CTNNA3: variants seen among roughly 807,000 people sequenced by gnomAD.
CTNNA3 encodes catenin alpha-3.
Under a neutral mutation model 95.7 loss-of-function variants are expected in CTNNA3, and 76 were observed. That is an observed-to-expected ratio of 0.79 (90% CI 0.66 to 0.96). CTNNA3 has a LOEUF of 0.96. Ranked by LOEUF, CTNNA3 falls within the 40% of genes least tolerant of loss-of-function variation. The pLI is 0.00. For missense variants in CTNNA3, 1,191 were observed against 1,089.8 expected, an observed-to-expected ratio of 1.09 and a Z score of -1.31; for synonymous variants, 431 against 374.4, an observed-to-expected ratio of 1.15 and a Z score of -1.74.
chr10:66,300,653 T>C (rs528672510), intron 12 of CTNNA3, among the ~76,000 whole-genome samples: 2 of 151,862 alleles, frequency 1.3e-5, no homozygotes, highest in East Asian at 1.9e-4. Flanking sequence ...TTTAGATACA[T>C]ACAAATTGAA....
intron 5 of CTNNA3, among the ~76,000 whole-genome samples, chr10:67,495,387 C>A (rs1356408564): frequency 1.3e-5 from 2 of 152,146 alleles, no homozygotes; most frequent in African/African-American, 4.8e-5. Flanking sequence ...AACATTCTCT[C>A]CGTTTCCCTA....
chr10:66,412,804 G>T (rs1235284944), intron 11 of CTNNA3, among the ~76,000 whole-genome samples: 2 of 150,686 alleles, frequency 1.3e-5, no homozygotes, highest in Admixed American at 6.6e-5. Context: ...CTTTTTTATT[G>T]TTCCTGGAAT....
chr10:66,368,375 A>G (rs1036950126), intron 12 of CTNNA3, among the ~76,000 whole-genome samples: 1 of 151,440 alleles, frequency 6.6e-6, no homozygotes, highest in African/African-American at 2.4e-5. Context: ...TCTTTCATCT[A>G]TCTCCATGTT....
chr10:67,209,984 A>G (rs1864073422), intron 6 of CTNNA3, among the ~76,000 whole-genome samples: 1 of 152,228 alleles, frequency 6.6e-6, no homozygotes, highest in South Asian at 2.1e-4. Flanking sequence ...CAGCAAATTA[A>G]CCTAAGAAAT....
At chr10:66,220,664 G>A (rs1053309283) in intron 13 of CTNNA3, among the ~76,000 whole-genome samples, 6 of 152,148 alleles carry the variant, frequency 3.9e-5, no homozygotes, top group Non-Finnish European at 5.9e-5. Context: ...TTTTATTGCC[G>A]ATGGAAGTGG....
intron 5 of CTNNA3, among the ~76,000 whole-genome samples, chr10:67,375,412 C>A (rs903021499): frequency 6.6e-6 from 1 of 152,126 alleles, no homozygotes; most frequent in African/African-American, 2.4e-5. Context: ...TCACAACCAG[C>A]CTAGCCAACA....
chr10:67,335,758 T>C (rs1841972612), intron 5 of CTNNA3, among the ~76,000 whole-genome samples: 1 of 152,228 alleles, frequency 6.6e-6, no homozygotes, highest in African/African-American at 2.4e-5. Flanking sequence ...TTAGTTTTAT[T>C]ACATATCATT....
At chr10:66,212,448 A>G (rs2088230523) in intron 13 of CTNNA3, among the ~76,000 whole-genome samples, 2 of 152,186 alleles carry the variant, frequency 1.3e-5, no homozygotes, top group African/African-American at 2.4e-5. Context: ...TCTTATTAGC[A>G]TCCCTAGAAG....
intron 12 of CTNNA3, among the ~76,000 whole-genome samples, chr10:66,325,113 G>C (rs2132299750): frequency 6.6e-6 from 1 of 151,944 alleles, no homozygotes; most frequent in African/African-American, 2.4e-5. Flanking sequence ...AGTCTTTTGG[G>C]ACCAAAAGCA....
intron 13 of CTNNA3, among the ~76,000 whole-genome samples, chr10:66,111,676 T>A (rs564159447): frequency 6.6e-6 from 1 of 152,196 alleles, no homozygotes; most frequent in African/African-American, 2.4e-5. Flanking sequence ...AGACTGAAGT[T>A]GAGTGGTTAG....
At chr10:67,127,404 C>T (rs540847115) in intron 7 of CTNNA3, among the ~76,000 whole-genome samples, 2 of 152,306 alleles carry the variant, frequency 1.3e-5, no homozygotes, top group East Asian at 3.9e-4. Context: ...CTACTAATCA[C>T]CTTCACTTAC....
rs143861046 is a variant in CTNNA3 at position 66,482,581 on chromosome 10, C to A, written c.1531+38036G>T. On this transcript the variant is annotated intron_variant, in intron 11 of 17. Coordinates refer to ENST00000433211, the MANE Select transcript of CTNNA3 (RefSeq NM_013266.4). ...AATAATATTCTTAAGATAATATTTC[C>A]TTTGTACAAAGTATGCACTAACAAT... Among the ~76,000 whole-genome samples, 714 of 152,040 alleles carry A rather than the reference C, an allele frequency of 4.7e-3. 9 individuals carry two copies. The highest frequency in any genetic ancestry group is 0.016 in the African/African-American group (678 of 41,480).
intron 13 of CTNNA3, among the ~76,000 whole-genome samples, chr10:66,254,223 C>T (rs1245015104): frequency 2.6e-5 from 4 of 152,152 alleles, no homozygotes; most frequent in African/African-American, 9.7e-5. Flanking sequence ...AGGCAAAACT[C>T]CTTATCTGAG....
At chr10:66,130,864 C>CA (rs1209953818) in intron 13 of CTNNA3, among the ~76,000 whole-genome samples, 4,316 of 83,240 alleles carry the variant, frequency 0.052, 167 homozygotes, top group African/African-American at 0.14. Context: ...CAAAAACAAA[C>CA]AAAAAAAAAA....
intron 12 of CTNNA3, among the ~76,000 whole-genome samples, chr10:66,331,499 G>A (rs906721173): frequency 3.0e-4 from 46 of 150,888 alleles, no homozygotes; most frequent in Admixed American, 1.1e-3. Context: ...GACTACAGGC[G>A]CGCACCACCA....
chr10:66,449,399 G>T lies in CTNNA3; in HGVS notation c.1532-70047C>A, dbSNP rs528828111. On this transcript the variant is annotated intron_variant, in intron 11 of 17. Coordinates refer to ENST00000433211, the MANE Select transcript of CTNNA3 (RefSeq NM_013266.4). ...CGAACACGTCAAATACCACAGGCAC[G>T]GTGCTGGATCCTTTACAGACATTAT... Among the ~76,000 whole-genome samples the T allele has an allele frequency of 3.3e-5, 5 of 152,124 alleles. No individual in the cohort carries two copies. In the South Asian group the frequency reaches 8.3e-4, roughly 25 times the overall value.
At chr10:66,873,231 T>C (rs919641667) in intron 7 of CTNNA3, among the ~76,000 whole-genome samples, 3 of 152,174 alleles carry the variant, frequency 2.0e-5, no homozygotes, top group African/African-American at 7.2e-5. Context: ...CTGGTTCAAA[T>C]GGTAGTTCTG....
chr10:67,735,954 A>T (rs1841300171), intron 1 of CTNNA3, among the ~76,000 whole-genome samples: 2 of 152,200 alleles, frequency 1.3e-5, no homozygotes, highest in Admixed American at 6.5e-5. Flanking sequence ...TTGAATTATT[A>T]TTCAGCCATA....
chr10:66,546,033 T>G (rs149438700), intron 10 of CTNNA3, among the ~76,000 whole-genome samples: 245 of 151,750 alleles, frequency 1.6e-3, no homozygotes, highest in African/African-American at 5.8e-3. Flanking sequence ...TATTTTTCCA[T>G]GTGAAGGCTT....
Sources: gnomAD v4.1 joint callset for allele counts (sites outside exome capture counted in the v4.1 genomes callset) on GRCh38, gnomAD v4.1.1 for gene constraint, MANE v1.5 for transcripts, NCBI Gene and HGNC (gene_info 2026-07-23, HGNC 2026-07-21) for gene names.